Variants in IHO1 observed in about 807,000 individuals in gnomAD.
IHO1 encodes interactor of HORMAD1 1.
Under a neutral mutation model 31.0 loss-of-function variants are expected in IHO1, and 13 were observed. The observed-to-expected ratio is 0.42, with a 90% CI of 0.27 to 0.67. The LOEUF is 0.67. Ranked by LOEUF, IHO1 falls within the 30% of genes least tolerant of loss-of-function variation. The probability of loss-of-function intolerance (pLI) is 0.24; values close to 1 mark genes in which losing one functional copy is unlikely to be tolerated. For missense variants in IHO1, 599 were observed against 687.5 expected (o/e 0.87, Z 1.44); for synonymous variants, 221 against 248.4 (o/e 0.89, Z 1.04).
At chr3:49,205,268 T>A (rs1279416696) in intron 1 of IHO1, among the ~76,000 whole-genome samples, 1 of 152,098 alleles carries the variant, frequency 6.6e-6, no homozygotes, top group Non-Finnish European at 1.5e-5. Flanking sequence ...GGTTGGAGTG[T>A]CTTTTTAGCA....
intron 6 of IHO1, among the ~76,000 whole-genome samples, chr3:49,248,808 G>A (rs770979227): frequency 2.4e-4 from 37 of 152,202 alleles, no homozygotes; most frequent in Non-Finnish European, 4.4e-4. Flanking sequence ...TCTTGAAAAT[G>A]AGCACAAGTA....
At chr3:49,254,186 A>C (rs149173597) in intron 6 of IHO1, among the ~76,000 whole-genome samples, 1 of 152,308 alleles carries the variant, frequency 6.6e-6, no homozygotes, top group Non-Finnish European at 1.5e-5. Context: ...CACATAGTAT[A>C]TGCTCATTAA....
chr3:49,216,804 A>T (rs781664709), intron 2 of IHO1, among the ~76,000 whole-genome samples: 130 of 152,344 alleles, frequency 8.5e-4, no homozygotes, highest in Non-Finnish European at 1.3e-3. Context: ...CAAGAAAAAA[A>T]ACCCCATCAA....
chr3:49,196,733 C>T (rs1434696314), upstream of IHO1, among the ~76,000 whole-genome samples: 6 of 149,808 alleles, frequency 4.0e-5, no homozygotes, highest in East Asian at 3.9e-4. Flanking sequence ...TGCAGTGGTG[C>T]GATCTCAGCT....
chr3:49,209,876 G>A (rs906973857), intron 1 of IHO1, among the ~76,000 whole-genome samples: 4 of 149,936 alleles, frequency 2.7e-5, no homozygotes, highest in Non-Finnish European at 5.9e-5. Flanking sequence ...CACCATGCCC[G>A]GCTAATTTTT....
intron 6 of IHO1, 135 bp from the exon 7 acceptor site, chr3:49,255,255 G>T (rs1250450743): frequency 4.8e-5 from 27 of 562,030 alleles, no homozygotes; most frequent in Non-Finnish European, 8.1e-5. Flanking sequence ...AGGAGGGAGG[G>T]AAGGAGAGCC....
chr3:49,246,024 A>C (rs1215070293), intron 6 of IHO1, among the ~76,000 whole-genome samples: 1 of 151,790 alleles, frequency 6.6e-6, no homozygotes, highest in Non-Finnish European at 1.5e-5. Context: ...TCTACTAAAA[A>C]TACAAAAATT....
intron 2 of IHO1, among the ~76,000 whole-genome samples, chr3:49,229,043 G>A (rs540154515): frequency 4.6e-5 from 7 of 152,258 alleles, no homozygotes; most frequent in Admixed American, 1.3e-4. Flanking sequence ...GCTGATTGGT[G>A]CGTTTTTACA....
intron 2 of IHO1, among the ~76,000 whole-genome samples, chr3:49,214,621 TATATATATATA>T (rs1463215430): frequency 2.8e-5 from 1 of 36,302 alleles, no homozygotes; most frequent in African/African-American, 9.2e-5. Flanking sequence ...TATATATATA[TATATATATATA>T]TTTTTTTTTT....
rs535031570 is a variant in IHO1, at chr3:49,233,730, C to T, written c.57-2818C>T. On this transcript the variant is annotated intron_variant, in intron 2 of 7. Transcript: ENST00000452691. ...CCCCAAATCTGGCCATAAACAGGCC[C>T]CAAAACTGGCCATAAACAAAATCTC... Among the ~76,000 whole-genome samples the T allele has an allele frequency of 2.0e-5, 3 of 152,268 alleles. No individual in the cohort carries two copies. The East Asian group carries it at 5.8e-4, about 29-fold the overall frequency.
At chr3:49,198,021 T>C (rs945253951), upstream of IHO1, among the ~76,000 whole-genome samples, 4 of 152,248 alleles carry the variant, frequency 2.6e-5, no homozygotes, top group African/African-American at 9.6e-5. Flanking sequence ...ATAGATTAAT[T>C]TGCATTTTCT....
At chr3:49,217,331 C>G (rs1007681995) in intron 2 of IHO1, among the ~76,000 whole-genome samples, 3 of 152,008 alleles carry the variant, frequency 2.0e-5, no homozygotes, top group Non-Finnish European at 4.4e-5. Context: ...AGTTCATGTC[C>G]TTTTCAGGGA....
intron 3 of IHO1, among the ~76,000 whole-genome samples, chr3:49,240,511 A>G (rs2046618393): frequency 6.6e-6 from 1 of 152,190 alleles, no homozygotes; most frequent in Admixed American, 6.6e-5. Context: ...GGCATGAGCC[A>G]CCACACCCGA....
At chr3:49,224,368 T>G (rs2046392545) in intron 2 of IHO1, among the ~76,000 whole-genome samples, 1 of 152,222 alleles carries the variant, frequency 6.6e-6, no homozygotes, top group Non-Finnish European at 1.5e-5. Context: ...TCTGATGGCT[T>G]TGGCAGTGTA....
chr3:49,218,884 A>G (rs1021322983), intron 2 of IHO1, among the ~76,000 whole-genome samples: 2 of 152,124 alleles, frequency 1.3e-5, no homozygotes, highest in African/African-American at 4.8e-5. Context: ...AAAATAAAAA[A>G]ATTAGCTGGG....
chr3:49,216,599 C>CT (rs1036419611), intron 2 of IHO1, among the ~76,000 whole-genome samples: 1 of 152,116 alleles, frequency 6.6e-6, no homozygotes, highest in Non-Finnish European at 1.5e-5. Flanking sequence ...GACTTCATGA[C>CT]TAAAACACCA....
In IHO1 at chr3:49,257,121, C is replaced by CA. The variant is rs780311400; in HGVS notation, c.1626dup (p.Asp543ArgfsTer20). The CA allele has an allele frequency of 1.2e-6, 2 of 1,614,106 alleles. No homozygotes were observed. The highest frequency in any genetic ancestry group is 4.5e-5 in the East Asian group (2 of 44,882). Reference sequence around the variant, plus strand: ...CTTGCAGCTCAGCAGGTGCTCTTCCCAAGACAACTGGCTACTTTCCAGCAG... The same window carrying CA: ...CTTGCAGCTCAGCAGGTGCTCTTCCCAAAGACAACTGGCTACTTTCCAGCAG... On this transcript the variant is annotated frameshift_variant, in exon 8 of 8. Coordinates refer to ENST00000452691, the MANE Select transcript of IHO1 (RefSeq NM_001135197.2). LOFTEE classifies it low-confidence loss of function (END_TRUNC).
intron 3 of IHO1, among the ~76,000 whole-genome samples, chr3:49,239,418 A>T (rs2046600541): frequency 6.6e-6 from 1 of 151,132 alleles, no homozygotes; most frequent in South Asian, 2.1e-4. Flanking sequence ...AGTAGATGGG[A>T]CTATGGGCGT....
In IHO1 at chr3:49,211,803, T is replaced by C; in HGVS notation, c.23T>C (p.Ile8Thr). 6.4e-7 allele frequency: 1 copy of C among 1,555,558 alleles called. No individual in the cohort carries two copies. The highest frequency in any genetic ancestry group is 8.9e-7 in the Non-Finnish European group (1 of 1,126,942). The change falls in exon 2 of 8, where the codon ATC becomes ACC. Residue 8 changes from isoleucine (I) to threonine (T), a missense_variant. Coordinates refer to ENST00000452691, the MANE Select transcript of IHO1 (RefSeq NM_001135197.2). Reference protein sequence around the residue: MNFNVWNIKEMLSIPSGS... With the variant: MNFNVWNTKEMLSIPSGS... ...GAAATGAATTTTAATGTCTGGAATA[T>C]CAAAGAGATGCTCAGTATTCCTTCA...
Sources: allele counts gnomAD v4.1 joint callset (sites outside exome capture counted in the v4.1 genomes callset), GRCh38; gene constraint gnomAD v4.1.1; transcripts MANE v1.5; gene names NCBI Gene and HGNC (gene_info 2026-07-23, HGNC 2026-07-21).